Variants in PLEKHA6 observed in about 807,000 individuals in gnomAD.
PLEKHA6 encodes pleckstrin homology domain containing A6, also known as pleckstrin homology domain-containing family A member 6.
Under a neutral mutation model 116.7 loss-of-function variants are expected in PLEKHA6, and 60 were observed. The observed-to-expected ratio is 0.51, with a 90% CI of 0.42 to 0.64. The LOEUF (loss-of-function observed/expected upper bound fraction) is 0.64, where lower values mean the gene tolerates loss of function less well. Among genes scored for constraint, PLEKHA6 ranks in the 30% least tolerant of loss-of-function variants. The pLI, the probability that PLEKHA6 is intolerant of heterozygous loss-of-function variation, is 0.00. For synonymous variants in PLEKHA6, 489 were observed against 556.1 expected (o/e 0.88, Z 1.70); for missense variants, 1,338 against 1,422.7 (o/e 0.94, Z 0.96).
At chr1:204,273,769 A>G (rs1667724251) in intron 2 of PLEKHA6, 29 bp from the exon 3 acceptor site, 1 of 1,475,966 alleles carries the variant, frequency 6.8e-7, no homozygotes, top group African/African-American at 1.4e-5. Context: ...GAGAAAAGAG[A>G]TTGGTGAGAT....
In PLEKHA6 at chr1:204,278,640, G is replaced by A. The variant is rs138603707; in HGVS notation, c.-94-3831C>T. Among the ~76,000 whole-genome samples the A allele has an allele frequency of 3.3e-4, 50 of 152,338 alleles. No homozygotes were observed. In the East Asian group the frequency reaches 7.3e-3, roughly 22 times the overall value. On this transcript the variant is annotated intron_variant, in intron 1 of 22. Coordinates refer to ENST00000272203, the MANE Select transcript of PLEKHA6 (RefSeq NM_014935.5). ...TGGTAGGATGTAACTGGGGTCAACC[G>A]CTGCTGATATTTAAACAGCTTAATC... is the stretch of plus-strand genomic sequence containing the variant.
At chr1:204,324,901 A>G (rs528260626) in intron 1 of PLEKHA6, among the ~76,000 whole-genome samples, 1 of 152,222 alleles carries the variant, frequency 6.6e-6, no homozygotes, top group South Asian at 2.1e-4. Context: ...GAGATGCAGG[A>G]ATACAGAATT....
chr1:204,261,347 G>T lies in PLEKHA6; in HGVS notation c.483C>A (p.Ile161=). ...QAMGEAARVQ[I]PPAQKSVPQA... is the part of the protein sequence containing the mutation. ...GGGGCACTGACTTCTGGGCTGGAGG[G>T]ATCTGTACTCGAGCAGCCTCCCCCA... The change falls in exon 7 of 23, where the codon ATC becomes ATA. Residue 161 remains isoleucine, a synonymous_variant. Transcript: ENST00000272203. The surrounding 1 kb of genome is among the most constrained non-coding windows in gnomAD (Gnocchi z 4.0). The T allele has an allele frequency of 6.2e-7, 1 of 1,614,146 alleles. No homozygotes were observed.
rs1378587759 is a variant in PLEKHA6, at chr1:204,219,120, T to C, written c.*3668A>G. 2 of 152,598 alleles carry C rather than the reference T, an allele frequency of 1.3e-5. No homozygotes were observed. The highest frequency in any genetic ancestry group is 2.9e-5 in the Non-Finnish European group (2 of 68,042). 9.5% of individuals were successfully genotyped at this position (152,598 alleles called of 1,614,324 possible). On this transcript the variant is annotated 3_prime_UTR_variant, in exon 23 of 23. Coordinates refer to ENST00000272203, the MANE Select transcript of PLEKHA6 (RefSeq NM_014935.5). ...TTCACCCTTCTTCTAAGGCCACTTT[T>C]ATGCTAAATAAAGACACTGAGATAA...
At chr1:204,326,649 A>C (rs1241816232) in intron 1 of PLEKHA6, among the ~76,000 whole-genome samples, 1 of 152,214 alleles carries the variant, frequency 6.6e-6, no homozygotes, top group Non-Finnish European at 1.5e-5. Context: ...ATTTCTAGCA[A>C]ATAATTTTTG....
rs550228445 is a variant in PLEKHA6 at position 204,245,955 on chromosome 1, C to T, written c.1921-229G>A. 3.3e-5 allele frequency among the ~76,000 whole-genome samples: 5 copies of T among 152,240 alleles called. No individual in the cohort carries two copies. In the South Asian group the frequency reaches 6.2e-4, roughly 19 times the overall value. On this transcript the variant is annotated intron_variant, in intron 13 of 22. Coordinates refer to ENST00000272203, the MANE Select transcript of PLEKHA6 (RefSeq NM_014935.5). ...TAGGAGATGGCACCCCAGAATTGCCCGAGTTTCTGAACCAAGACTGAGGAC... is the reference window on the plus strand; with the variant it reads ...TAGGAGATGGCACCCCAGAATTGCCTGAGTTTCTGAACCAAGACTGAGGAC...
chr1:204,233,045 C>T (rs1182606121), intron 17 of PLEKHA6, among the ~76,000 whole-genome samples: 1 of 152,148 alleles, frequency 6.6e-6, no homozygotes, highest in Non-Finnish European at 1.5e-5. Context: ...TCAAATGGTC[C>T]TCCTGCCTCA....
At chr1:204,330,209 G>C (rs940226913) in intron 1 of PLEKHA6, among the ~76,000 whole-genome samples, 9 of 152,196 alleles carry the variant, frequency 5.9e-5, no homozygotes, top group Admixed American at 3.9e-4. Flanking sequence ...ATGTTGGGCA[G>C]GCTGGTCTGA....
intron 3 of PLEKHA6, among the ~76,000 whole-genome samples, chr1:204,366,024 G>C (rs951347232): frequency 2.0e-5 from 3 of 152,222 alleles, no homozygotes; most frequent in Non-Finnish European, 4.4e-5. Context: ...AGGCTCTGAG[G>C]TGGGAATGGG....
chr1:204,359,062 A>C (rs1673495308), intron 1 of PLEKHA6, among the ~76,000 whole-genome samples: 2 of 151,830 alleles, frequency 1.3e-5, no homozygotes, highest in Admixed American at 1.3e-4. Flanking sequence ...CATCATTATA[A>C]ATGCCATCCC....
intron 1 of PLEKHA6, among the ~76,000 whole-genome samples, chr1:204,294,016 T>TGA (rs993195646): frequency 6.6e-6 from 1 of 152,250 alleles, no homozygotes; most frequent in African/African-American, 2.4e-5. Context: ...TTAAGTTTCC[T>TGA]GAGTCTGTTA....
chr1:204,302,244 C>A (rs1159257876), intron 1 of PLEKHA6, among the ~76,000 whole-genome samples: 1 of 152,136 alleles, frequency 6.6e-6, no homozygotes, highest in Non-Finnish European at 1.5e-5. Flanking sequence ...GACCATGAAG[C>A]AAGTTAGAGA....
intron 1 of PLEKHA6, chr1:204,308,937 C>A (rs1424665265): frequency 5.0e-6 from 1 of 201,246 alleles, no homozygotes; most frequent in Non-Finnish European, 8.9e-6. Context: ...GATCCGCCCA[C>A]CTTGGCCTCC....
intron 1 of PLEKHA6, among the ~76,000 whole-genome samples, chr1:204,316,926 C>A (rs1472362700): frequency 6.6e-6 from 1 of 152,146 alleles, no homozygotes; most frequent in Non-Finnish European, 1.5e-5. Context: ...ACAGATAAAG[C>A]GGCCTCCTCG....
intron 1 of PLEKHA6, among the ~76,000 whole-genome samples, chr1:204,359,041 C>A (rs1044147907): frequency 6.6e-6 from 1 of 151,894 alleles, no homozygotes; most frequent in African/African-American, 2.4e-5. Flanking sequence ...TAGCTGGCTG[C>A]AGCCTGGTCC....
chr1:204,293,394 C>G (rs200448801), intron 1 of PLEKHA6, among the ~76,000 whole-genome samples: 1 of 152,264 alleles, frequency 6.6e-6, no homozygotes, highest in East Asian at 1.9e-4. Context: ...CTTGGCCTCC[C>G]AAAGTGCTGG....
intron 9 of PLEKHA6, among the ~76,000 whole-genome samples, chr1:204,252,907 C>T (rs548453556): frequency 6.0e-4 from 91 of 152,350 alleles, no homozygotes; most frequent in African/African-American, 2.0e-3. Context: ...TTCCCCAACA[C>T]GCAGATCCAG....
chr1:204,326,464 CAT>C (rs1672248129), intron 1 of PLEKHA6, among the ~76,000 whole-genome samples: 1 of 152,218 alleles, frequency 6.6e-6, no homozygotes, highest in Non-Finnish European at 1.5e-5. Context: ...TCCCAGCTCT[CAT>C]TCTAACAAGA....
chr1:204,252,360 G>A (rs1203368168), intron 9 of PLEKHA6, among the ~76,000 whole-genome samples: 1 of 151,700 alleles, frequency 6.6e-6, no homozygotes, highest in Non-Finnish European at 1.5e-5. Context: ...GAAGAGGAAG[G>A]GAAAGGAGGG....
Sources: allele counts gnomAD v4.1 joint callset (sites outside exome capture counted in the v4.1 genomes callset), GRCh38; gene constraint gnomAD v4.1.1; non-coding constraint Gnocchi (gnomAD v3.1); transcripts MANE v1.5; gene names NCBI Gene and HGNC (gene_info 2026-07-23, HGNC 2026-07-21).